CDK14: variants seen among roughly 807,000 people sequenced by gnomAD.
The protein encoded by CDK14 is cyclin-dependent kinase 14.
Under a neutral mutation model 60.7 loss-of-function variants are expected in CDK14, and 34 were observed. That is an observed-to-expected ratio of 0.56 (90% CI 0.43 to 0.75). CDK14 has a LOEUF of 0.75. Among genes scored for constraint, CDK14 ranks in the 30% least tolerant of loss-of-function variants. The probability of loss-of-function intolerance (pLI) is 0.00; values close to 1 mark genes in which losing one functional copy is unlikely to be tolerated. For synonymous variants in CDK14, 197 were observed against 203.7 expected (o/e 0.97, Z 0.28); for missense variants, 482 against 564.1 (o/e 0.85, Z 1.47).
At chr7:90,603,983 G>A (rs893051649) in intron 1 of CDK14, among the ~76,000 whole-genome samples, 1 of 152,158 alleles carries the variant, frequency 6.6e-6, no homozygotes, top group Non-Finnish European at 1.5e-5. Flanking sequence ...CTAATATCTG[G>A]GAGGATAGTT....
At chr7:90,912,973 T>C (rs1257748099) in intron 7 of CDK14, among the ~76,000 whole-genome samples, 1 of 152,150 alleles carries the variant, frequency 6.6e-6, no homozygotes, top group Non-Finnish European at 1.5e-5. Context: ...TAAGTATTAG[T>C]CTCCCTTCTT....
intron 14 of CDK14, among the ~76,000 whole-genome samples, chr7:91,141,207 A>T (rs745684087): frequency 7.9e-5 from 12 of 152,216 alleles, no homozygotes; most frequent in Admixed American, 2.0e-4. Context: ...AAGTTTCATG[A>T]CCCTCAGTAG....
intron 4 of CDK14, among the ~76,000 whole-genome samples, chr7:90,783,107 C>G (rs1483555887): frequency 6.6e-6 from 1 of 152,062 alleles, no homozygotes; most frequent in East Asian, 1.9e-4. Context: ...TTATATGCCA[C>G]TCTAATATTA....
chr7:90,927,771 T>C (rs535012869), intron 8 of CDK14, among the ~76,000 whole-genome samples: 45 of 152,300 alleles, frequency 3.0e-4, no homozygotes, highest in Non-Finnish European at 6.3e-4. Flanking sequence ...CCTTGCTAGG[T>C]TGGGGAAGTT....
rs1017573917 is a variant in CDK14, at chr7:91,151,758, C to T, written c.*28+33550C>T. ...CTTCTGCCTTTGATCCATACTCATG[C>T]CTAGATGGGTGACAGAATTCAGTGG... is the stretch of plus-strand genomic sequence containing the variant. On this transcript the variant is annotated intron_variant, in intron 14 of 14. Coordinates refer to ENST00000380050, the MANE Select transcript of CDK14 (RefSeq NM_001287135.2). 3.3e-5 allele frequency among the ~76,000 whole-genome samples: 5 copies of T among 152,086 alleles called. No individual in the cohort carries two copies. In the East Asian group the frequency reaches 9.6e-4, roughly 29 times the overall value.
chr7:90,674,010 T>A (rs568720654), intron 2 of CDK14, among the ~76,000 whole-genome samples: 1 of 152,190 alleles, frequency 6.6e-6, no homozygotes, highest in Non-Finnish European at 1.5e-5. Context: ...TTGGGATGAA[T>A]GTATTATTAT....
chr7:90,924,938 T>C (rs113980083), intron 8 of CDK14, among the ~76,000 whole-genome samples: 30 of 152,176 alleles, frequency 2.0e-4, no homozygotes, highest in African/African-American at 7.0e-4. Flanking sequence ...TTAGGACTTT[T>C]TTCATTTTAA....
At chr7:90,631,997 AGAATAGGG>A (rs914949915) in intron 2 of CDK14, 1 of 150,692 alleles carries the variant, frequency 6.6e-6, no homozygotes, top group Admixed American at 6.7e-5. Flanking sequence ...AATGCTTCTC[AGAATAGGG>A]GATTAAAAAC....
At chr7:91,023,660 G>C (rs571787652) in intron 10 of CDK14, among the ~76,000 whole-genome samples, 2 of 152,244 alleles carry the variant, frequency 1.3e-5, no homozygotes, top group Admixed American at 1.3e-4. Flanking sequence ...ACTATGCTAA[G>C]CATTTTTATG....
At chr7:91,061,232 C>T (rs1797775172) in intron 11 of CDK14, among the ~76,000 whole-genome samples, 1 of 152,190 alleles carries the variant, frequency 6.6e-6, no homozygotes, top group South Asian at 2.1e-4. Flanking sequence ...AGTTCTTGTG[C>T]CATGGTTTTC....
chr7:91,058,534 G>A (rs1306194791), intron 11 of CDK14, among the ~76,000 whole-genome samples: 1 of 152,174 alleles, frequency 6.6e-6, no homozygotes, highest in Admixed American at 6.5e-5. Flanking sequence ...TATGATATTG[G>A]CTGTGGGTTT....
chr7:90,881,716 C>A lies in CDK14; in HGVS notation c.640-17575C>A, dbSNP rs146479837. Among the ~76,000 whole-genome samples the A allele has an allele frequency of 6.6e-3, 1,005 of 152,200 alleles. 17 individuals are homozygous for A. The highest frequency in any genetic ancestry group is 0.022 in the African/African-American group (923 of 41,520). ...GGCCGGGTCACCTACAAAGGGAAGC[C>A]CCTAAGACTAACAGTGGAACTCTCA... On this transcript the variant is annotated intron_variant, in intron 6 of 14. Transcript: ENST00000380050.
chr7:91,083,129 T>G (rs1456044853), intron 12 of CDK14, among the ~76,000 whole-genome samples: 2 of 152,166 alleles, frequency 1.3e-5, no homozygotes, highest in African/African-American at 4.8e-5. Flanking sequence ...TGTTGATCAT[T>G]TTTGTTATAA....
At chr7:90,960,974 A>G (rs1158620659) in intron 9 of CDK14, among the ~76,000 whole-genome samples, 1 of 152,090 alleles carries the variant, frequency 6.6e-6, no homozygotes, top group African/African-American at 2.4e-5. Context: ...TTAATTACTT[A>G]CCTATTTTAC....
intron 13 of CDK14, 97 bp downstream of exon 13, chr7:91,112,778 G>A: frequency 1.5e-6 from 2 of 1,297,060 alleles, no homozygotes; most frequent in South Asian, 2.6e-5. Context: ...ACATATTTGT[G>A]TGTCCACAAA....
rs998812975 is a variant in CDK14 at position 90,796,138 on chromosome 7, A to G, written c.544+5486A>G. Among the ~76,000 whole-genome samples the G allele has an allele frequency of 3.3e-5, 5 of 152,230 alleles. No homozygotes were observed. In the East Asian group the frequency reaches 9.7e-4, roughly 29 times the overall value. On this transcript the variant is annotated intron_variant, in intron 5 of 14. Coordinates refer to ENST00000380050, the MANE Select transcript of CDK14 (RefSeq NM_001287135.2). The stretch of plus-strand genomic sequence containing the variant: ...GAGATGAGCTTAGGAACTGGCCCTC[A>G]GTTGCGGTTGTGTTGTAGAATGCAG...
chr7:91,163,925 G>C (rs1444291660), intron 14 of CDK14, among the ~76,000 whole-genome samples: 1 of 152,126 alleles, frequency 6.6e-6, no homozygotes. Flanking sequence ...ATTGATTAAG[G>C]CTTTAGGGTC....
chr7:91,037,509 G>A (rs73230820), intron 10 of CDK14, among the ~76,000 whole-genome samples: 2,333 of 152,234 alleles, frequency 0.015, 40 homozygotes, highest in South Asian at 0.025. Flanking sequence ...CTAGGGTGTG[G>A]TCAGGTGGAT....
At chr7:91,039,677 C>T (rs1797034427) in intron 10 of CDK14, among the ~76,000 whole-genome samples, 1 of 152,170 alleles carries the variant, frequency 6.6e-6, no homozygotes, top group African/African-American at 2.4e-5. Flanking sequence ...TCTCTTTGGT[C>T]ATTTCCATCT....
Sources: gnomAD v4.1 joint callset for allele counts (sites outside exome capture counted in the v4.1 genomes callset) on GRCh38, gnomAD v4.1.1 for gene constraint, MANE v1.5 for transcripts, NCBI Gene and HGNC (gene_info 2026-07-23, HGNC 2026-07-21) for gene names.